NTM: variants seen among roughly 807,000 people sequenced by gnomAD.
NTM encodes the protein IgLON family member 2.
NTM carries 13 observed loss-of-function variants against 42.1 expected under a neutral mutation model. The observed-to-expected ratio is 0.31, with a 90% confidence interval of 0.20 to 0.49. The LOEUF (loss-of-function observed/expected upper bound fraction) is 0.49. NTM is among the 20% of genes least tolerant of loss of function. The pLI is 0.99. For missense variants in NTM, 373 were observed against 452.8 expected (o/e 0.82, Z 1.60); for synonymous variants, 187 against 179.2 (o/e 1.04, Z -0.35).
At chr11:131,750,033 G>A (rs1165209711) in intron 1 of NTM, among the ~76,000 whole-genome samples, 1 of 152,202 alleles carries the variant, frequency 6.6e-6, no homozygotes, top group Non-Finnish European at 1.5e-5. Flanking sequence ...AGCTGGGCAT[G>A]CTGTCTGGGA....
intron 4 of NTM, among the ~76,000 whole-genome samples, chr11:132,251,676 A>G (rs968353325): frequency 1.3e-5 from 2 of 152,214 alleles, no homozygotes; most frequent in African/African-American, 4.8e-5. Flanking sequence ...GGCGGGACCA[A>G]TAGCCTGAAG....
rs145185805 is a variant in NTM at position 132,246,728 on chromosome 11, T to C, written c.526+34581T>C. On this transcript the variant is annotated intron_variant, in intron 4 of 8. Transcript: ENST00000683400. ...CTTACCAAGTGACATCCTAAACACA[T>C]GTAGTTATAGCTCGGGAAGGCATCG... Among the ~76,000 whole-genome samples the C allele has an allele frequency of 2.2e-3, 333 of 152,342 alleles. 1 individual carries two copies. Among genetic ancestry groups the C allele is most frequent in the African/African-American group, 7.5e-3 (311 of 41,584 alleles).
At chr11:131,810,604 C>T (rs1045167962) in intron 1 of NTM, among the ~76,000 whole-genome samples, 6 of 152,308 alleles carry the variant, frequency 3.9e-5, no homozygotes, top group African/African-American at 1.4e-4. Context: ...TACTACTCTG[C>T]GTTTTGCTGG....
intron 1 of NTM, among the ~76,000 whole-genome samples, chr11:131,529,224 T>A (rs1476125241): frequency 1.3e-5 from 2 of 152,210 alleles, no homozygotes; most frequent in Non-Finnish European, 2.9e-5. Flanking sequence ...CATCTGCCCA[T>A]AAGGGCTGGT....
chr11:132,154,448 CA>C lies in NTM; in HGVS notation c.400+7936del, dbSNP rs574616664. 1.5e-3 allele frequency among the ~76,000 whole-genome samples: 233 copies of C among 152,348 alleles called. 1 individual carries two copies. The highest frequency in any genetic ancestry group is 5.4e-3 in the African/African-American group (225 of 41,568). On this transcript the variant is annotated intron_variant, in intron 3 of 8. Transcript: ENST00000683400. ...GCCAAAGACTTTTCTACCAATACGTCAATTTTCAAAATCTCTCCAATGTATG... is the reference window on the plus strand; with the variant it reads ...GCCAAAGACTTTTCTACCAATACGTCATTTTCAAAATCTCTCCAATGTATG...
At chr11:132,212,262 C>A in intron 4 of NTM, 115 bp downstream of exon 4, 1 of 772,678 alleles carries the variant, frequency 1.3e-6, no homozygotes, top group Non-Finnish European at 2.1e-6. Context: ...TTTTTGGTGG[C>A]TTGATGGTAA....
intron 2 of NTM, among the ~76,000 whole-genome samples, chr11:132,095,364 C>G (rs894231187): frequency 6.6e-6 from 1 of 152,030 alleles, no homozygotes; most frequent in African/African-American, 2.4e-5. Context: ...CCACAGGAAC[C>G]CTTTCATCCA....
chr11:131,381,097 T>C (rs551714290), intron 1 of NTM, among the ~76,000 whole-genome samples: 1 of 152,326 alleles, frequency 6.6e-6, no homozygotes, highest in Admixed American at 6.5e-5. Flanking sequence ...ATTCTAATGG[T>C]GAACTGCTCA....
At chr11:131,435,574 T>C (rs1376025940) in intron 1 of NTM, among the ~76,000 whole-genome samples, 1 of 152,238 alleles carries the variant, frequency 6.6e-6, no homozygotes, top group Admixed American at 6.5e-5. Context: ...AGTTCACTCA[T>C]GATTTGGCTC....
At chr11:131,626,774 T>A (rs867001925) in intron 1 of NTM, among the ~76,000 whole-genome samples, 1 of 152,340 alleles carries the variant, frequency 6.6e-6, no homozygotes, top group Middle Eastern at 3.4e-3. Context: ...CATGGCCCAG[T>A]TCTCCCCAAC....
At chr11:131,381,482 A>G (rs1942674607) in intron 1 of NTM, among the ~76,000 whole-genome samples, 1 of 152,190 alleles carries the variant, frequency 6.6e-6, no homozygotes, top group African/African-American at 2.4e-5. Context: ...ATCATTCTAC[A>G]TTTCCTCTTC....
At chr11:131,638,354 G>A (rs1487463696) in intron 1 of NTM, among the ~76,000 whole-genome samples, 1 of 152,004 alleles carries the variant, frequency 6.6e-6, no homozygotes, top group Non-Finnish European at 1.5e-5. Flanking sequence ...ATCACCTGAG[G>A]TCAGGAGTTC....
chr11:131,947,581 A>C (rs979768351), intron 2 of NTM, among the ~76,000 whole-genome samples: 3 of 152,182 alleles, frequency 2.0e-5, no homozygotes, highest in Non-Finnish European at 2.9e-5. Flanking sequence ...CTGGTATGAA[A>C]CATTCACAGT....
intron 1 of NTM, among the ~76,000 whole-genome samples, chr11:131,409,482 C>T (rs1700469009): frequency 6.6e-6 from 1 of 152,136 alleles, no homozygotes; most frequent in Non-Finnish European, 1.5e-5. Flanking sequence ...GTCTCTGCCC[C>T]CGGGCAAGGA....
chr11:131,547,574 G>A (rs1326201967), intron 1 of NTM, among the ~76,000 whole-genome samples: 3 of 152,178 alleles, frequency 2.0e-5, no homozygotes, highest in Non-Finnish European at 4.4e-5. Context: ...TCTGGTAAGA[G>A]GTGATGTAAA....
intron 2 of NTM, among the ~76,000 whole-genome samples, chr11:132,045,195 T>A (rs1231715962): frequency 2.0e-5 from 3 of 152,182 alleles, no homozygotes; most frequent in Non-Finnish European, 4.4e-5. Context: ...ATACAGTGCT[T>A]TTGTGATAAG....
intron 2 of NTM, among the ~76,000 whole-genome samples, chr11:132,054,289 G>T (rs2079281806): frequency 2.0e-5 from 3 of 151,318 alleles, no homozygotes. Context: ...AAGGGCCTGA[G>T]ATTTGCTATA....
rs568544938 is a variant in NTM, at chr11:131,733,509, T to TCCTA, written c.83-178052_83-178051insACCT. Among the ~76,000 whole-genome samples the TCCTA allele has an allele frequency of 2.2e-3, 323 of 149,498 alleles. 1 individual carries two copies. Among genetic ancestry groups the TCCTA allele is most frequent in the African/African-American group, 7.6e-3 (304 of 40,006 alleles). ...TTCCTTCCTTCCTTCCTTCCTTCCT[T>TCCTA]CCTTCCTTCCTTTCTTTCTTTCTTT... On this transcript the variant is annotated intron_variant, in intron 1 of 8. Transcript: ENST00000683400.
intron 3 of NTM, among the ~76,000 whole-genome samples, chr11:132,203,211 A>C (rs762826815): frequency 1.1e-4 from 16 of 152,162 alleles, no homozygotes; most frequent in Non-Finnish European, 1.8e-4. Context: ...GTGCATCCCA[A>C]TGTCCAAACC....
Sources: allele counts gnomAD v4.1 joint callset (sites outside exome capture counted in the v4.1 genomes callset), GRCh38; gene constraint gnomAD v4.1.1; transcripts MANE v1.5; gene names NCBI Gene and HGNC (gene_info 2026-07-23, HGNC 2026-07-21).